The following PCDHGA6 variants were observed in gnomAD, a reference collection of about 807,000 sequenced individuals.
PCDHGA6 encodes the protein protocadherin gamma-A6.
In PCDHGA6, 41 loss-of-function variants were observed where a neutral mutation model predicts 60.6. The ratio of observed to expected loss-of-function variants is 0.68; its 90% CI spans 0.53 to 0.88. PCDHGA6 has a LOEUF of 0.88. Ranked by LOEUF, PCDHGA6 falls within the 40% of genes least tolerant of loss-of-function variation. The probability of loss-of-function intolerance (pLI) is 0.00; values close to 1 mark genes in which losing one functional copy is unlikely to be tolerated. For missense variants in PCDHGA6, 1,312 were observed against 1,203.0 expected, an observed-to-expected ratio of 1.09 and a Z score of -1.34; for synonymous variants, 594 against 524.4, an observed-to-expected ratio of 1.13 and a Z score of -1.81.
At position 141,474,586 on chromosome 5, in the gene PCDHGA6, A is replaced by T. The variant is rs149003643; in HGVS notation, c.2425-20221A>T. 7.1e-4 allele frequency among the ~76,000 whole-genome samples: 108 copies of T among 152,340 alleles called. No individual in the cohort carries two copies. The East Asian group carries it at 0.015, about 21-fold the overall frequency. The stretch of plus-strand genomic sequence containing the variant: ...TCAGAGATTAATTGAAGTGTTAAAG[A>T]CATGGAAATATAGGTCACATATGGC... On this transcript the variant is annotated intron_variant, in intron 1 of 3. Coordinates refer to ENST00000517434, the MANE Select transcript of PCDHGA6 (RefSeq NM_018919.3).
chr5:141,427,440 G>T (rs747459662), intron 1 of PCDHGA6: 3 of 477,366 alleles, frequency 6.3e-6, no homozygotes, highest in South Asian at 3.1e-5. Flanking sequence ...CCTCATAAAC[G>T]AAAGAGTTCC....
intron 1 of PCDHGA6, chr5:141,430,555 TC>T (rs1232264614): frequency 9.7e-6 from 4 of 411,788 alleles, no homozygotes; most frequent in Non-Finnish European, 1.3e-5. Flanking sequence ...TGTTCACCAA[TC>T]GGGGAGAGAA....
intron 3 of PCDHGA6, among the ~76,000 whole-genome samples, chr5:141,507,673 G>A (rs184362608): frequency 6.6e-5 from 10 of 152,368 alleles, no homozygotes; most frequent in Admixed American, 2.6e-4. Context: ...AAATCCAGAT[G>A]TTAAAAACAG....
intron 1 of PCDHGA6, chr5:141,422,122 A>G (rs758254144): frequency 6.2e-7 from 1 of 1,601,596 alleles, no homozygotes; most frequent in African/African-American, 1.4e-5. Context: ...GGATTCACAA[A>G]CTGGAGAAGT....
At chr5:141,407,314 T>G (rs2094914230) in intron 1 of PCDHGA6, among the ~76,000 whole-genome samples, 1 of 152,212 alleles carries the variant, frequency 6.6e-6, no homozygotes, top group Non-Finnish European at 1.5e-5. Flanking sequence ...CCTTCATACT[T>G]AGTATTTATA....
chr5:141,492,501 G>A (rs551410616), intron 1 of PCDHGA6, among the ~76,000 whole-genome samples: 8 of 152,302 alleles, frequency 5.3e-5, no homozygotes, highest in East Asian at 1.9e-4. Flanking sequence ...CGAGGACTCC[G>A]GAGCCTCCTC....
intron 1 of PCDHGA6, chr5:141,423,620 C>G: frequency 6.2e-7 from 1 of 1,608,268 alleles, no homozygotes; most frequent in Non-Finnish European, 8.5e-7. Flanking sequence ...GCTGAAGACT[C>G]AGCTATCATT....
At position 141,477,596 on chromosome 5, in the gene PCDHGA6, T is replaced by G. The variant is rs1364779381; in HGVS notation, c.2425-17211T>G. ...CGCCCCGCAGAATGCTCGGCTTTCTTTCTTTCTCTTGGAGCAAGGAGCTGA... is the reference window on the plus strand; with the variant it reads ...CGCCCCGCAGAATGCTCGGCTTTCTGTCTTTCTCTTGGAGCAAGGAGCTGA... On this transcript the variant is annotated intron_variant, in intron 1 of 3. Transcript: ENST00000517434. This position sits in a 1 kb window ranked among gnomAD's most constrained non-coding sequence, Gnocchi z 4.9. The G allele has an allele frequency of 6.2e-7, 1 of 1,614,184 alleles. No individual in the cohort carries two copies. The highest frequency in any genetic ancestry group is 1.1e-5 in the South Asian group (1 of 91,086).
chr5:141,389,496 CCAGCGCT>C, intron 1 of PCDHGA6: 1 of 1,613,068 alleles, frequency 6.2e-7, no homozygotes, highest in Non-Finnish European at 8.5e-7. Context: ...CCAGGGCTCG[CCAGCGCT>C]CAGCGCGAAC....
At position 141,485,144 on chromosome 5, in the gene PCDHGA6, G is replaced by A; in HGVS notation, c.2425-9663G>A. 6.4e-7 allele frequency: 1 copy of A among 1,564,192 alleles called. No homozygotes were observed. The highest frequency in any genetic ancestry group is 1.7e-5 in the Admixed American group (1 of 59,326). On this transcript the variant is annotated intron_variant, in intron 1 of 3. Transcript: ENST00000517434. This position sits in a 1 kb window ranked among gnomAD's most constrained non-coding sequence, Gnocchi z 5.7. ...CGGGTCGGCTTCATCCGCGTCTCAG[G>A]AGCAAGTAGAGAATTAGCGGGCGGC...
At chr5:141,403,868 A>T (rs2094463706) in intron 1 of PCDHGA6, 2 of 1,613,752 alleles carry the variant, frequency 1.2e-6, no homozygotes, top group Non-Finnish European at 1.7e-6. Context: ...AACAGCAAAA[A>T]GTCTAGATTA....
chr5:141,511,342 C>T lies in PCDHGA6; in HGVS notation c.*169C>T. On this transcript the variant is annotated 3_prime_UTR_variant, in exon 4 of 4. Transcript: ENST00000517434. The stretch of plus-strand genomic sequence containing the variant: ...AACAAGTGCCCAGTCAGCACCTACC[C>T]CTTCCCCCCCAGGGGGTTGAATATG... The T allele has an allele frequency of 7.0e-7, 1 of 1,425,078 alleles. No individual in the cohort carries two copies. Among genetic ancestry groups the T allele is most frequent in the East Asian group, 2.5e-5 (1 of 40,014 alleles). 88.3% of individuals were successfully genotyped at this position (1,425,078 alleles called of 1,614,324 possible). A position where few individuals can be genotyped will look rare whatever the true frequency, so the allele number is the denominator to read the frequency against.
intron 1 of PCDHGA6, among the ~76,000 whole-genome samples, chr5:141,450,968 G>A (rs756891993): frequency 5.5e-4 from 84 of 151,848 alleles, no homozygotes; most frequent in Non-Finnish European, 9.0e-4. Context: ...GGGATTACAG[G>A]CATGTGCCAC....
chr5:141,408,965 C>T lies in PCDHGA6; in HGVS notation c.2424+32458C>T, dbSNP rs767484272. The T allele has an allele frequency of 1.5e-5, 25 of 1,613,688 alleles. No homozygotes were observed. The Admixed American group carries it at 4.2e-4, about 27-fold the overall frequency. On this transcript the variant is annotated intron_variant, in intron 1 of 3. Transcript: ENST00000517434. ...ATATAGAATTAGTCTTAGTGAAAATCTGCCCCCTGGGTCCCCTGTGTTGCA... is the reference window on the plus strand; with the variant it reads ...ATATAGAATTAGTCTTAGTGAAAATTTGCCCCCTGGGTCCCCTGTGTTGCA...
intron 1 of PCDHGA6, chr5:141,405,031 CGTT>C: frequency 6.2e-7 from 1 of 1,613,968 alleles, no homozygotes; most frequent in Admixed American, 1.7e-5. Flanking sequence ...CCCTCTACCT[CGTT>C]GTGGCTGTGG....
intron 1 of PCDHGA6, chr5:141,441,872 G>T: frequency 2.9e-6 from 1 of 341,646 alleles, no homozygotes. Flanking sequence ...GCGGAGCCTG[G>T]CTACCTGGTC....
chr5:141,423,065 G>C, intron 1 of PCDHGA6: 1 of 1,614,138 alleles, frequency 6.2e-7, no homozygotes, highest in Non-Finnish European at 8.5e-7. Flanking sequence ...CTTAAGGCCA[G>C]CGAGCCGGGA....
intron 1 of PCDHGA6, among the ~76,000 whole-genome samples, chr5:141,407,049 C>T (rs1483952329): frequency 6.6e-6 from 1 of 152,162 alleles, no homozygotes. Context: ...TCCATAGATA[C>T]ACTGATGACT....
At chr5:141,505,348 G>A (rs1414647950) in intron 2 of PCDHGA6, 45 bp from the exon 3 acceptor site, 1 of 1,613,358 alleles carries the variant, frequency 6.2e-7, no homozygotes, top group Admixed American at 1.7e-5. Context: ...GGCATGAGCT[G>A]TGCCGGCCTG....
Sources: gnomAD v4.1 joint callset for allele counts (sites outside exome capture counted in the v4.1 genomes callset) on GRCh38, gnomAD v4.1.1 for gene constraint, Gnocchi (gnomAD v3.1) non-coding constraint, MANE v1.5 for transcripts, NCBI Gene and HGNC (gene_info 2026-07-23, HGNC 2026-07-21) for gene names.